Variants in WDR72 observed in about 807,000 individuals in gnomAD.
WDR72 encodes WD repeat-containing protein 72.
Under a neutral mutation model 124.2 loss-of-function variants are expected in WDR72, and 120 were observed. That is an observed-to-expected ratio of 0.97 (90% CI 0.83 to 1.12). The LOEUF (loss-of-function observed/expected upper bound fraction) is 1.12. WDR72 is among the 50% of genes most tolerant of loss of function. The probability of loss-of-function intolerance (pLI) is 0.00; values close to 1 mark genes in which losing one functional copy is unlikely to be tolerated. For missense variants in WDR72, 1,387 were observed against 1,278.8 expected, an observed-to-expected ratio of 1.08 and a Z score of -1.29; for synonymous variants, 452 against 441.7, an observed-to-expected ratio of 1.02 and a Z score of -0.29.
At chr15:53,564,591 G>A (rs1043764180) in intron 18 of WDR72, among the ~76,000 whole-genome samples, 1 of 151,836 alleles carries the variant, frequency 6.6e-6, no homozygotes, top group Non-Finnish European at 1.5e-5. Flanking sequence ...GCCCACCTTG[G>A]ACTTCAGGTT....
chr15:53,517,877 G>A, intron 19 of WDR72, 123 bp from the exon 20 acceptor site: 1 of 891,558 alleles, frequency 1.1e-6, no homozygotes, highest in Non-Finnish European at 1.8e-6. Flanking sequence ...AGAAGGGAGA[G>A]AATGAGGAAA....
chr15:53,538,202 G>T (rs975184540), intron 18 of WDR72, among the ~76,000 whole-genome samples: 1 of 152,112 alleles, frequency 6.6e-6, no homozygotes, highest in Non-Finnish European at 1.5e-5. Context: ...TTTGGGTTTG[G>T]AAATTTAAAT....
At chr15:53,694,792 G>A (rs1394231668) in intron 13 of WDR72, among the ~76,000 whole-genome samples, 1 of 152,106 alleles carries the variant, frequency 6.6e-6, no homozygotes, top group Non-Finnish European at 1.5e-5. Context: ...TAACAGTGAG[G>A]CAAAATGGAT....
intron 14 of WDR72, among the ~76,000 whole-genome samples, chr15:53,657,984 G>A (rs1473138289): frequency 1.3e-5 from 2 of 152,226 alleles, no homozygotes; most frequent in East Asian, 3.9e-4. Context: ...TGACTTCATT[G>A]AAAAAGGCAT....
chr15:53,520,160 A>G (rs1891708698), intron 19 of WDR72, among the ~76,000 whole-genome samples: 1 of 152,118 alleles, frequency 6.6e-6, no homozygotes, highest in Non-Finnish European at 1.5e-5. Context: ...TGATGTTTAC[A>G]AGGTTTGCAA....
chr15:53,759,605 AC>A (rs2019015062), intron 1 of WDR72, 27 bp downstream of exon 1: 1 of 152,458 alleles, frequency 6.6e-6, no homozygotes, highest in African/African-American at 2.4e-5. Context: ...CGGCAGCCCG[AC>A]CTGCGCTCTG....
At chr15:53,577,887 T>G (rs941003077) in intron 18 of WDR72, among the ~76,000 whole-genome samples, 1 of 152,182 alleles carries the variant, frequency 6.6e-6, no homozygotes, top group East Asian at 1.9e-4. Context: ...ATCACAATTT[T>G]TAAAATGTAT....
intron 14 of WDR72, among the ~76,000 whole-genome samples, chr15:53,665,274 A>C (rs1411255629): frequency 6.6e-6 from 1 of 152,118 alleles, no homozygotes; most frequent in Admixed American, 6.6e-5. Context: ...AATATATCCA[A>C]ACTACAGAAT....
At chr15:53,680,879 G>A (rs2016357630) in intron 13 of WDR72, among the ~76,000 whole-genome samples, 1 of 152,146 alleles carries the variant, frequency 6.6e-6, no homozygotes, top group South Asian at 2.1e-4. Flanking sequence ...GGAAAGTGGT[G>A]GGCCAATCTA....
chr15:53,706,350 G>GTATATATA (rs56246540), intron 9 of WDR72, among the ~76,000 whole-genome samples: 18 of 25,738 alleles, frequency 7.0e-4, no homozygotes, highest in Non-Finnish European at 9.0e-4. Flanking sequence ...GTGTGTGTGT[G>GTATATATA]TATATATATA....
intron 18 of WDR72, among the ~76,000 whole-genome samples, chr15:53,550,053 T>C (rs1409576769): frequency 6.6e-6 from 1 of 152,218 alleles, no homozygotes; most frequent in Non-Finnish European, 1.5e-5. Flanking sequence ...ACCTGTTTAA[T>C]TGAAGCCAAC....
intron 1 of WDR72, among the ~76,000 whole-genome samples, chr15:53,742,786 G>A (rs984324204): frequency 3.3e-5 from 5 of 152,060 alleles, no homozygotes; most frequent in South Asian, 2.1e-4. Flanking sequence ...CACTTTGTAC[G>A]TAAATACTTG....
intron 2 of WDR72, among the ~76,000 whole-genome samples, chr15:53,727,582 C>G (rs1351530080): frequency 6.6e-6 from 1 of 152,152 alleles, no homozygotes; most frequent in African/African-American, 2.4e-5. Context: ...TCTCAGAGAA[C>G]AACATACTAT....
At chr15:53,622,017 T>C (rs771122667) in intron 14 of WDR72, among the ~76,000 whole-genome samples, 3 of 151,918 alleles carry the variant, frequency 2.0e-5, no homozygotes, top group Admixed American at 6.6e-5. Context: ...AATAAACATA[T>C]GAAAAAAGCT....
intron 14 of WDR72, among the ~76,000 whole-genome samples, chr15:53,654,116 A>G (rs2015335003): frequency 6.6e-6 from 1 of 152,174 alleles, no homozygotes; most frequent in Non-Finnish European, 1.5e-5. Flanking sequence ...TTTTAATTAT[A>G]ATATGATGTA....
chr15:53,534,580 G>C (rs1185926173), intron 18 of WDR72, among the ~76,000 whole-genome samples: 1 of 152,064 alleles, frequency 6.6e-6, no homozygotes, highest in Non-Finnish European at 1.5e-5. Flanking sequence ...TTCAAGGAAA[G>C]GGTCACTCAA....
chr15:53,556,370 A>C (rs1395351892), intron 18 of WDR72, among the ~76,000 whole-genome samples: 1 of 152,122 alleles, frequency 6.6e-6, no homozygotes, highest in African/African-American at 2.4e-5. Flanking sequence ...TTCTGTTGCA[A>C]ATAAGTCACT....
chr15:53,752,984 A>T (rs1441127305), intron 1 of WDR72, among the ~76,000 whole-genome samples: 2 of 152,122 alleles, frequency 1.3e-5, no homozygotes, highest in Non-Finnish European at 2.9e-5. Context: ...CACAACCTAT[A>T]AGTCAAATCC....
chr15:53,549,676 C>T (rs549818970), intron 18 of WDR72, among the ~76,000 whole-genome samples: 19 of 152,010 alleles, frequency 1.2e-4, no homozygotes, highest in African/African-American at 4.3e-4. Context: ...TTAATTACAC[C>T]AATATAAAGG....
Sources: gnomAD v4.1 joint callset for allele counts (sites outside exome capture counted in the v4.1 genomes callset) on GRCh38, gnomAD v4.1.1 for gene constraint, MANE v1.5 for transcripts, NCBI Gene and HGNC (gene_info 2026-07-23, HGNC 2026-07-21) for gene names.